The following AZI2 variants were observed in gnomAD, a reference collection of about 807,000 sequenced individuals.
AZI2 encodes the protein 5-azacytidine-induced protein 2.
Under a neutral mutation model 45.8 loss-of-function variants are expected in AZI2, and 22 were observed. The observed-to-expected ratio is 0.48, with a 90% CI of 0.34 to 0.69. The LOEUF (loss-of-function observed/expected upper bound fraction) is 0.69. AZI2 is among the 30% of genes least tolerant of loss of function. AZI2 has a pLI of 0.01. For synonymous variants in AZI2, 137 were observed against 156.7 expected (o/e 0.87, Z 0.94); for missense variants, 417 against 441.5 (o/e 0.94, Z 0.50).
chr3:28,348,215 G>A (rs1218522468), intron 1 of AZI2: 1 of 152,226 alleles, frequency 6.6e-6, no homozygotes, highest in Non-Finnish European at 1.5e-5. Context: ...AGATGCCCCA[G>A]GGAGTACCGT....
chr3:28,337,921 C>T lies in AZI2; in HGVS notation c.439+16G>A. ...GTTAATTCTGTTAGAATATTTATAA[C>T]AAGTAACTGGCATACCCTGCTGAGT... On this transcript the variant is annotated intron_variant, in intron 4 of 7. Transcript: ENST00000479665. 7.0e-7 allele frequency: 1 copy of T among 1,438,726 alleles called. No individual in the cohort carries two copies. The highest frequency in any genetic ancestry group is 1.4e-5 in the South Asian group (1 of 69,590). The allele number at this position is 1,438,726 out of a possible 1,614,324, so 89.1% of individuals were successfully genotyped here.
chr3:28,338,709 C>A (rs914760681), intron 2 of AZI2, 94 bp from the exon 3 acceptor site: 2 of 1,126,878 alleles, frequency 1.8e-6, no homozygotes, highest in Middle Eastern at 2.6e-4. Flanking sequence ...TTACTTCAAT[C>A]GTAATAAGGG....
At chr3:28,345,575 GA>G (rs1165940895) in intron 1 of AZI2, among the ~76,000 whole-genome samples, 2 of 152,068 alleles carry the variant, frequency 1.3e-5, no homozygotes, top group Admixed American at 1.3e-4. Context: ...TGAGAACAAT[GA>G]AATTTCCAAG....
In AZI2 at chr3:28,338,011, T is replaced by C. The variant is rs1208136110; in HGVS notation, c.365A>G (p.Lys122Arg). 1 of 1,591,978 alleles carries C rather than the reference T, an allele frequency of 6.3e-7. No individual in the cohort carries two copies. The highest frequency in any genetic ancestry group is 1.2e-5 in the South Asian group (1 of 86,918). The change falls in exon 4 of 8, where the codon AAA becomes AGA. Residue 122 changes from lysine to arginine, a missense_variant. Physicochemically the swap from Lys to Arg is conservative, Grantham distance 26. Coordinates refer to ENST00000479665, the MANE Select transcript of AZI2 (RefSeq NM_022461.5). ...KMNKDNSESL[K>R]VLNEQLQSKE... ...AGATTGTAGCTGCTCATTCAATACT[T>C]TCAAAGATTCAGAGTTGTCTTTATT...
At chr3:28,332,036 G>A (rs1703599712) in intron 6 of AZI2, 2 of 809,632 alleles carry the variant, frequency 2.5e-6, no homozygotes. Flanking sequence ...TTAAGACAAA[G>A]GAATGTTATT....
At chr3:28,328,724 A>G (rs1423146817) in intron 6 of AZI2, among the ~76,000 whole-genome samples, 3 of 151,274 alleles carry the variant, frequency 2.0e-5, no homozygotes, top group Non-Finnish European at 4.4e-5. Context: ...ACAAATCTAA[A>G]ATTATTACTA....
intron 2 of AZI2, among the ~76,000 whole-genome samples, chr3:28,338,823 A>G (rs1322383552): frequency 2.0e-5 from 3 of 152,212 alleles, no homozygotes; most frequent in African/African-American, 7.2e-5. Context: ...CTATGCTTTT[A>G]CATAATCAGT....
intron 1 of AZI2, among the ~76,000 whole-genome samples, chr3:28,343,292 T>C (rs780052909): frequency 3.3e-5 from 5 of 152,066 alleles, no homozygotes; most frequent in Non-Finnish European, 1.5e-5. Flanking sequence ...CATTGTACTG[T>C]ACTTATTGTA....
intron 6 of AZI2, chr3:28,331,821 A>T: frequency 6.5e-7 from 1 of 1,540,456 alleles, no homozygotes; most frequent in African/African-American, 1.4e-5. Flanking sequence ...TACGTATTTG[A>T]GGAAAAAGGG....
In AZI2 at chr3:28,338,517, AT is replaced by A; in HGVS notation, c.314del (p.Asn105IlefsTer2). On this transcript the variant is annotated frameshift_variant, in exon 3 of 8. Transcript: ENST00000479665. LOFTEE classifies it high-confidence loss of function. ...AYREVCIDRDNLKSKLDKMNK... is the reference protein window; with the variant it reads ...AYREVCIDRDXLKSKLDKMNK... ...CCATTTTGTCCAGTTTGCTCTTCAA[AT>A]TATCTCTATCAATGCAAACCTCTCG... 2 of 1,582,658 alleles carry A rather than the reference AT, an allele frequency of 1.3e-6. No homozygotes were observed. Among genetic ancestry groups the A allele is most frequent in the Non-Finnish European group, 1.7e-6 (2 of 1,157,220 alleles).
intron 6 of AZI2, among the ~76,000 whole-genome samples, chr3:28,327,734 G>T (rs759112952): frequency 2.9e-4 from 43 of 150,706 alleles, no homozygotes; most frequent in Non-Finnish European, 5.5e-4. Flanking sequence ...AGACATTCAT[G>T]ATTTTCTTTT....
chr3:28,324,622 G>A (rs1259371095), intron 7 of AZI2, 168 bp from the exon 8 acceptor site: 1 of 525,210 alleles, frequency 1.9e-6, no homozygotes, highest in Admixed American at 3.9e-5. Flanking sequence ...GATGATCTGA[G>A]TTTTAATCCT....
intron 7 of AZI2, chr3:28,326,489 CT>C (rs5847511): frequency 0.24 from 34,278 of 142,006 alleles, 3,746 homozygotes; most frequent in Admixed American, 0.3. Flanking sequence ...CTTTTGGTGT[CT>C]TTTTTTTTTT....
Position 28,324,312 on chromosome 3 carries a change from T to C in AZI2, c.909A>G (p.Leu303=). 2 of 1,606,992 alleles carry C rather than the reference T, an allele frequency of 1.2e-6. No homozygotes were observed. The highest frequency in any genetic ancestry group is 1.7e-6 in the Non-Finnish European group (2 of 1,175,492). Residue 303 remains leucine, a synonymous_variant, in exon 8 of 8, where the codon TTA becomes TTG. Coordinates refer to ENST00000479665, the MANE Select transcript of AZI2 (RefSeq NM_022461.5). ...CTGATAAAACCTTTACATCTCCTGG[T>C]AAAGGGGAAGATGTGGTATGACAAA... is the stretch of plus-strand genomic sequence containing the variant. The part of the protein sequence containing the change: ...KALCHTTSSP[L]PGDVKVLSEK...
Position 28,336,785 on chromosome 3 carries a change from C to T in AZI2, c.540G>A (p.Arg180=), listed in dbSNP as rs1253457934. 1 of 1,613,308 alleles carries T rather than the reference C, an allele frequency of 6.2e-7. No homozygotes were observed. The highest frequency in any genetic ancestry group is 8.5e-7 in the Non-Finnish European group (1 of 1,179,660). The part of the protein sequence containing the change: ...HGLEQELELM[R]KECSDLKIEL... ...CTATTTTGAGATCGCTACATTCTTT[C>T]CTCATCAGTTCCAGCTCTTGTTCCA... is the stretch of plus-strand genomic sequence containing the variant. The change falls in exon 5 of 8, where the codon AGG becomes AGA. Residue 180 remains arginine, a synonymous_variant. Coordinates refer to ENST00000479665, the MANE Select transcript of AZI2 (RefSeq NM_022461.5).
intron 2 of AZI2, 120 bp downstream of exon 2, chr3:28,340,282 G>C (rs1310045536): frequency 1.0e-5 from 7 of 681,316 alleles, no homozygotes; most frequent in Non-Finnish European, 1.7e-5. Context: ...GATTAGCAGT[G>C]AGTTATTCTT....
At chr3:28,326,804 C>T in intron 7 of AZI2, 28 bp downstream of exon 7, 1 of 1,525,198 alleles carries the variant, frequency 6.6e-7, no homozygotes, top group Non-Finnish European at 9.1e-7. Flanking sequence ...TGGCTGGAAT[C>T]AGTGGTTTCC....
At chr3:28,327,964 T>TA (rs1703443165) in intron 6 of AZI2, among the ~76,000 whole-genome samples, 1 of 149,850 alleles carries the variant, frequency 6.7e-6, no homozygotes, top group South Asian at 2.1e-4. Context: ...CATAAACACT[T>TA]AAACTTCAAA....
At chr3:28,337,901 TTC>T (rs1703856722) in intron 4 of AZI2, 34 bp downstream of exon 4, 1 of 1,285,138 alleles carries the variant, frequency 7.8e-7, no homozygotes, top group Admixed American at 2.3e-5. Flanking sequence ...AATATGTTAA[TTC>T]TGTTAGAATA....
Sources: allele counts gnomAD v4.1 joint callset (sites outside exome capture counted in the v4.1 genomes callset), GRCh38; gene constraint gnomAD v4.1.1; transcripts MANE v1.5; gene names NCBI Gene and HGNC (gene_info 2026-07-23, HGNC 2026-07-21).